CDK7: variants seen among roughly 807,000 people sequenced by gnomAD.
CDK7 encodes cyclin dependent kinase 7.
A neutral mutation model predicts 49.1 loss-of-function variants in CDK7; 25 were observed. That is an observed-to-expected ratio of 0.51 (90% confidence interval 0.37 to 0.71). The LOEUF (loss-of-function observed/expected upper bound fraction) is 0.71. Ranked by LOEUF, CDK7 falls within the 30% of genes least tolerant of loss-of-function variation. The pLI is 0.00. For synonymous variants in CDK7, 107 were observed against 140.0 expected, an observed-to-expected ratio of 0.76 and a Z score of 1.67; for missense variants, 316 against 411.7, an observed-to-expected ratio of 0.77 and a Z score of 2.01.
At chr5:69,250,808 T>C in intron 2 of CDK7, 3 of 456,676 alleles carry the variant, frequency 6.6e-6, no homozygotes, top group Non-Finnish European at 1.3e-5. Context: ...CCAATATGTC[T>C]CGGAGTTTCA....
chr5:69,256,444 C>T (rs1750497550), intron 5 of CDK7, among the ~76,000 whole-genome samples: 2 of 151,988 alleles, frequency 1.3e-5, no homozygotes, highest in African/African-American at 2.4e-5. Flanking sequence ...ACCTCTGCCT[C>T]CCAGGTTCAA....
chr5:69,247,878 A>G (rs966961035), intron 2 of CDK7, among the ~76,000 whole-genome samples: 4 of 152,196 alleles, frequency 2.6e-5, no homozygotes, highest in African/African-American at 9.6e-5. Context: ...TCTGCGTTTT[A>G]ACTTTGTCTC....
intron 5 of CDK7, 38 bp downstream of exon 5, chr5:69,255,566 G>T (rs527588735): frequency 8.1e-6 from 11 of 1,354,340 alleles, no homozygotes; most frequent in Non-Finnish European, 1.2e-5. Flanking sequence ...CTTTGTCCCA[G>T]TTTATCAAAC....
intron 2 of CDK7, among the ~76,000 whole-genome samples, chr5:69,248,354 C>A (rs1027744329): frequency 6.6e-6 from 1 of 151,882 alleles, no homozygotes; most frequent in Non-Finnish European, 1.5e-5. Context: ...TTTCTTCTTG[C>A]TGCTTTTAGG....
In CDK7 at chr5:69,239,064, CTG is replaced by C. The variant is rs1749197554; in HGVS notation, c.126+3614_126+3615del. Among the ~76,000 whole-genome samples the C allele has an allele frequency of 4.6e-5, 7 of 152,046 alleles. No individual in the cohort carries two copies. In the South Asian group the frequency reaches 1.5e-3, roughly 32 times the overall value. On this transcript the variant is annotated intron_variant, in intron 2 of 11. Coordinates refer to ENST00000256443, the MANE Select transcript of CDK7 (RefSeq NM_001799.4). ...ATACATTCCTTCTCTGGATAGTCATCTGTGAGTCATCTTGTATGCAGGTTTGA... is the reference window on the plus strand; with the variant it reads ...ATACATTCCTTCTCTGGATAGTCATCTGAGTCATCTTGTATGCAGGTTTGA...
intron 1 of CDK7, 119 bp downstream of exon 1, chr5:69,235,160 GA>G (rs1399253327): frequency 2.0e-6 from 2 of 995,922 alleles, no homozygotes; most frequent in Non-Finnish European, 3.1e-6. Flanking sequence ...CTCGTTGGGG[GA>G]AACCGTCCAG....
At chr5:69,271,486 C>T (rs1162797574) in intron 9 of CDK7, among the ~76,000 whole-genome samples, 1 of 150,762 alleles carries the variant, frequency 6.6e-6, no homozygotes, top group Non-Finnish European at 1.5e-5. Flanking sequence ...TTTGCCCAGC[C>T]CAAAGATTTT....
At chr5:69,266,420 C>A (rs1751161230) in intron 8 of CDK7, among the ~76,000 whole-genome samples, 1 of 151,944 alleles carries the variant, frequency 6.6e-6, no homozygotes, top group Non-Finnish European at 1.5e-5. Context: ...GAGACCCGGT[C>A]TCTACTAAAA....
intron 2 of CDK7, among the ~76,000 whole-genome samples, chr5:69,248,210 A>G (rs1749882485): frequency 6.6e-6 from 1 of 152,150 alleles, no homozygotes; most frequent in Non-Finnish European, 1.5e-5. Context: ...TTTGCTGAAT[A>G]TACTATTCTA....
rs1488606493 is a variant in CDK7 at position 69,276,585 on chromosome 5, C to A, written c.907C>A (p.Pro303Thr). The A allele has an allele frequency of 1.2e-6, 2 of 1,613,566 alleles. No homozygotes were observed. The highest frequency in any genetic ancestry group is 1.7e-6 in the Non-Finnish European group (2 of 1,179,988). The part of the protein sequence containing the change: ...KYFSNRPGPT[P>T]GCQLPRPNCP... ...TTTCAGTAATCGGCCAGGGCCAACA[C>A]CTGGATGTCAGCTGCCAAGACCAAA... is the stretch of plus-strand genomic sequence containing the variant. Residue 303 changes from proline (P) to threonine (T), a missense_variant, in exon 11 of 12, where the codon CCT becomes ACT. Transcript: ENST00000256443.
chr5:69,273,777 A>G (rs1751816396), intron 10 of CDK7, among the ~76,000 whole-genome samples: 1 of 152,060 alleles, frequency 6.6e-6, no homozygotes, highest in Non-Finnish European at 1.5e-5. Flanking sequence ...TACAAAATAG[A>G]TTTTTTTCTC....
At chr5:69,272,532 CATTT>C (rs1751670806) in intron 9 of CDK7, among the ~76,000 whole-genome samples, 1 of 151,958 alleles carries the variant, frequency 6.6e-6, no homozygotes, top group Non-Finnish European at 1.5e-5. Context: ...TATGTTTCAC[CATTT>C]ATTGAGATCT....
chr5:69,265,291 A>G (rs991677676), intron 8 of CDK7, among the ~76,000 whole-genome samples: 3 of 152,032 alleles, frequency 2.0e-5, no homozygotes, highest in Non-Finnish European at 2.9e-5. Context: ...AATGAGTACA[A>G]TTATGAAAAT....
At chr5:69,265,771 A>G (rs1751112855) in intron 8 of CDK7, among the ~76,000 whole-genome samples, 1 of 152,076 alleles carries the variant, frequency 6.6e-6, no homozygotes, top group Non-Finnish European at 1.5e-5. Flanking sequence ...TTAGCCGGGC[A>G]TGGTATTGAG....
chr5:69,237,167 C>T (rs931231517), intron 2 of CDK7, among the ~76,000 whole-genome samples: 3 of 151,804 alleles, frequency 2.0e-5, no homozygotes, highest in Admixed American at 1.3e-4. Flanking sequence ...GTGGCACAGC[C>T]ATAGCTCACT....
At chr5:69,269,158 TAAAA>T (rs59967147) in intron 8 of CDK7, 45 bp from the exon 9 acceptor site, 7 of 1,047,092 alleles carry the variant, frequency 6.7e-6, no homozygotes, top group Middle Eastern at 2.3e-4. Context: ...AGAAAAAAAT[TAAAA>T]AAAAAAAACC....
chr5:69,262,543 C>T (rs1353229968), intron 8 of CDK7, among the ~76,000 whole-genome samples: 1 of 151,804 alleles, frequency 6.6e-6, no homozygotes, highest in African/African-American at 2.4e-5. Flanking sequence ...GTGGCGGGTG[C>T]CTGTAGTCCC....
Position 69,276,654 on chromosome 5 carries a change from G to C in CDK7, c.976G>C (p.Ala326Pro), listed in dbSNP as rs777663501. The C allele has an allele frequency of 6.2e-7, 1 of 1,614,100 alleles. No homozygotes were observed. The highest frequency in any genetic ancestry group is 1.1e-5 in the South Asian group (1 of 91,076). The change falls in exon 11 of 12, where the codon GCA (alanine) becomes CCA (proline). Residue 326 changes from alanine to proline, a missense_variant. By Grantham distance (27) the Ala-to-Pro change is conservative (BLOSUM62 -1). Coordinates refer to ENST00000256443, the MANE Select transcript of CDK7 (RefSeq NM_001799.4). ...AAAGGAGCAATCAAATCCAGCTTTG[G>C]CAATAAAAAGGAAAAGAACAGAGGC... Reference protein sequence around the residue: ...TLKEQSNPALAIKRKRTEALE... With the variant: ...TLKEQSNPALPIKRKRTEALE...
At position 69,252,449 on chromosome 5, in the gene CDK7, A is replaced by C. The variant is rs1296540405; in HGVS notation, c.158A>C (p.Asp53Ala). 1 of 1,473,836 alleles carries C rather than the reference A, an allele frequency of 6.8e-7. No homozygotes were observed. The highest frequency in any genetic ancestry group is 2.1e-5 in the Admixed American group (1 of 48,178). The allele number at this position is 1,473,836 out of a possible 1,614,324, so 91.3% of individuals were successfully genotyped here. The change falls in exon 3 of 12, where the codon GAT becomes GCT. Residue 53 changes from aspartate to alanine, a missense_variant and splice_region_variant. By Grantham distance (126) the Asp-to-Ala change is moderately radical (BLOSUM62 -2). Transcript: ENST00000256443. ...IKLGHRSEAK[D>A]GINRTALREI... ...CTTGGACATAGATCAGAAGCTAAAGATGGTAAGTATTTCATGTAATCTGAC... is the reference window on the plus strand; with the variant it reads ...CTTGGACATAGATCAGAAGCTAAAGCTGGTAAGTATTTCATGTAATCTGAC...
Sources: allele counts gnomAD v4.1 joint callset (sites outside exome capture counted in the v4.1 genomes callset), GRCh38; gene constraint gnomAD v4.1.1; transcripts MANE v1.5; gene names NCBI Gene and HGNC (gene_info 2026-07-23, HGNC 2026-07-21).